LYRM4: variants seen among roughly 807,000 people sequenced by gnomAD.
LYRM4 encodes the protein LYR motif containing 4.
In LYRM4, 9 loss-of-function variants were observed where a neutral mutation model predicts 11.7. The ratio of observed to expected loss-of-function variants is 0.77; its 90% CI spans 0.46 to 1.34. LYRM4 has a LOEUF of 1.34. Ranked by LOEUF, LYRM4 falls within the 40% of genes most tolerant of loss-of-function variation. The pLI is 0.00. For missense variants in LYRM4, 133 were observed against 112.5 expected (o/e 1.18, Z -0.82); for synonymous variants, 42 against 40.4 (o/e 1.04, Z -0.15).
chr6:5,162,450 T>A (rs953594282), intron 2 of LYRM4, among the ~76,000 whole-genome samples: 4 of 151,650 alleles, frequency 2.6e-5, no homozygotes, highest in African/African-American at 9.7e-5. Context: ...TGGCCCTGGG[T>A]CAGGGATGTG....
chr6:5,233,932 G>C (rs1763387502), intron 1 of LYRM4, among the ~76,000 whole-genome samples: 1 of 152,204 alleles, frequency 6.6e-6, no homozygotes, highest in Non-Finnish European at 1.5e-5. Context: ...ACGAACCCAG[G>C]CAAGTGAAAC....
At chr6:5,110,446 C>T (rs1407708353) in intron 2 of LYRM4, among the ~76,000 whole-genome samples, 1 of 152,178 alleles carries the variant, frequency 6.6e-6, no homozygotes, top group Non-Finnish European at 1.5e-5. Flanking sequence ...TCACCAAGGA[C>T]CGCCGCGCCG....
intron 1 of LYRM4, chr6:5,240,802 G>A (rs1763831508): frequency 6.6e-6 from 1 of 152,236 alleles, no homozygotes; most frequent in Non-Finnish European, 1.5e-5. Context: ...GTCAAGGGGA[G>A]GCAAGAACAG....
chr6:5,248,766 C>T (rs1764307130), intron 1 of LYRM4, among the ~76,000 whole-genome samples: 1 of 152,200 alleles, frequency 6.6e-6, no homozygotes, highest in Non-Finnish European at 1.5e-5. Flanking sequence ...ATATTGTCAC[C>T]ATGCTGTTGT....
Position 5,194,577 on chromosome 6 carries a change from T to C in LYRM4, c.207+22041A>G, listed in dbSNP as rs993916026. Among the ~76,000 whole-genome samples the C allele has an allele frequency of 2.0e-5, 3 of 152,250 alleles. 1 individual carries two copies. The highest frequency in any genetic ancestry group is 1.3e-4 in the Admixed American group (2 of 15,284). Reference sequence around the variant, plus strand: ...AGTAGGAGGGTTAAATGCAATAGCATTGTTAAGTCCTATAAAAACATCAAG... The same window carrying C: ...AGTAGGAGGGTTAAATGCAATAGCACTGTTAAGTCCTATAAAAACATCAAG... On this transcript the variant is annotated intron_variant, in intron 2 of 2. Coordinates refer to ENST00000330636, the MANE Select transcript of LYRM4 (RefSeq NM_020408.6).
chr6:5,081,902 A>G, the LYRM4 span, among the ~76,000 whole-genome samples: 901 of 152,144 alleles, frequency 5.9e-3, 4 homozygotes, highest in Non-Finnish European at 0.01. Context: ...ACCTCCAGAA[A>G]GGGGCAGGGG....
chr6:5,238,398 G>A (rs945795552), intron 1 of LYRM4, among the ~76,000 whole-genome samples: 1 of 152,088 alleles, frequency 6.6e-6, no homozygotes. Context: ...CACTCCCAGC[G>A]TAATTCTATA....
At chr6:5,044,697 G>A in the LYRM4 span, among the ~76,000 whole-genome samples, 2 of 152,244 alleles carry the variant, frequency 1.3e-5, no homozygotes, top group African/African-American at 4.8e-5. Context: ...AGCCATTCAT[G>A]GTGCTAAACT....
At position 5,110,809 on chromosome 6, in the gene LYRM4, T is replaced by C. The variant is rs534604709; in HGVS notation, c.208-1318A>G. 3.3e-3 allele frequency among the ~76,000 whole-genome samples: 504 copies of C among 152,320 alleles called. 1 individual carries two copies. The highest frequency in any genetic ancestry group is 0.012 in the African/African-American group (484 of 41,572). Reference sequence around the variant, plus strand: ...TTCAGTCGTCCTTTCCTCTCATTAATATAGAGAAGACTTTGGACGCAAGTG... The same window carrying C: ...TTCAGTCGTCCTTTCCTCTCATTAACATAGAGAAGACTTTGGACGCAAGTG... On this transcript the variant is annotated intron_variant, in intron 2 of 2. Transcript: ENST00000330636.
intron 2 of LYRM4, among the ~76,000 whole-genome samples, chr6:5,137,402 C>T (rs1488494809): frequency 6.6e-6 from 1 of 152,154 alleles, no homozygotes; most frequent in South Asian, 2.1e-4. Flanking sequence ...TAAGCCCCAA[C>T]ATAGAATGGT....
intron 2 of LYRM4, among the ~76,000 whole-genome samples, chr6:5,157,724 A>C (rs1758499514): frequency 6.6e-6 from 1 of 152,230 alleles, no homozygotes; most frequent in Non-Finnish European, 1.5e-5. Context: ...TAGTCCATTT[A>C]AAGAAATGCC....
chr6:5,158,350 C>T (rs1163952330), intron 2 of LYRM4, among the ~76,000 whole-genome samples: 2 of 152,176 alleles, frequency 1.3e-5, no homozygotes, highest in African/African-American at 4.8e-5. Flanking sequence ...ACTGAATGCA[C>T]TGTCACAAAC....
chr6:5,175,017 G>A (rs1283190703), intron 2 of LYRM4, among the ~76,000 whole-genome samples: 1 of 152,182 alleles, frequency 6.6e-6, no homozygotes, highest in Non-Finnish European at 1.5e-5. Context: ...TATTTATTGA[G>A]CGCCTAGATT....
At chr6:5,161,006 CA>C (rs942335240) in intron 2 of LYRM4, among the ~76,000 whole-genome samples, 9 of 152,140 alleles carry the variant, frequency 5.9e-5, no homozygotes, top group African/African-American at 2.2e-4. Context: ...TCCCACTAGA[CA>C]AATTAAGAAT....
downstream of LYRM4, among the ~76,000 whole-genome samples, chr6:5,100,214 G>A (rs1484606879): frequency 2.0e-5 from 3 of 152,172 alleles, no homozygotes; most frequent in Non-Finnish European, 4.4e-5. Context: ...ACTGATACAA[G>A]CCAGCGTCAG....
chr6:5,145,876 C>A (rs1326632316), intron 2 of LYRM4, among the ~76,000 whole-genome samples: 2 of 152,124 alleles, frequency 1.3e-5, no homozygotes, highest in Non-Finnish European at 2.9e-5. Context: ...CTCTAGAGTT[C>A]CTGCATTCCA....
the LYRM4 span, chr6:5,066,720 A>G: frequency 1.2e-6 from 1 of 822,072 alleles, no homozygotes; most frequent in East Asian, 2.4e-5. Context: ...TTTTCTCCAT[A>G]CGATTTGCGC....
chr6:5,115,545 A>G (rs1336418737), intron 2 of LYRM4, among the ~76,000 whole-genome samples: 2 of 152,086 alleles, frequency 1.3e-5, no homozygotes, highest in African/African-American at 2.4e-5. Flanking sequence ...CACAAAGTCC[A>G]CCAATCTAGA....
the LYRM4 span, among the ~76,000 whole-genome samples, chr6:5,061,915 T>C: frequency 6.6e-6 from 1 of 152,206 alleles, no homozygotes; most frequent in African/African-American, 2.4e-5. Context: ...AGGTCTTTTA[T>C]ATGTGTGCAT....
Sources: gnomAD v4.1 joint callset for allele counts (sites outside exome capture counted in the v4.1 genomes callset) on GRCh38, gnomAD v4.1.1 for gene constraint, MANE v1.5 for transcripts, NCBI Gene and HGNC (gene_info 2026-07-23, HGNC 2026-07-21) for gene names.